The following UNC5C variants were observed in gnomAD, a reference collection of about 807,000 sequenced individuals.
UNC5C encodes netrin receptor UNC5C.
Under a neutral mutation model 99.8 loss-of-function variants are expected in UNC5C, and 47 were observed. The ratio of observed to expected loss-of-function variants is 0.47; its 90% CI spans 0.37 to 0.60. The LOEUF is 0.60. Among genes scored for constraint, UNC5C ranks in the 20% least tolerant of loss-of-function variants. UNC5C has a pLI of 0.00. For synonymous variants in UNC5C, 487 were observed against 452.2 expected (o/e 1.08, Z -0.98); for missense variants, 1,062 against 1,165.9 (o/e 0.91, Z 1.30).
Position 95,163,703 on chromosome 4 carries a change from A to G in UNC5C, c.*5531T>C, listed in dbSNP as rs1425728305. 6.6e-6 allele frequency: 1 copy of G among 152,224 alleles called. No homozygotes were observed. The highest frequency in any genetic ancestry group is 1.5e-5 in the Non-Finnish European group (1 of 68,042). The allele number at this position is 152,224 out of a possible 1,614,324, so 9.4% of individuals were successfully genotyped here. ...TTAAAAGGCTGGCATTCAGTAGCAA[A>G]TACTATGGCAGGTGGGCAGCTGACT... On this transcript the variant is annotated 3_prime_UTR_variant, in exon 16 of 16. Coordinates refer to ENST00000453304, the MANE Select transcript of UNC5C (RefSeq NM_003728.4).
Position 95,268,891 on chromosome 4 carries a change from T to G in UNC5C, c.594+9368A>C, listed in dbSNP as rs1410768411. 2.0e-5 allele frequency among the ~76,000 whole-genome samples: 3 copies of G among 152,178 alleles called. No individual in the cohort carries two copies. The East Asian group carries it at 5.8e-4, about 29-fold the overall frequency. ...GTGTGCACACCTAAAAGAATGGAGA[T>G]TTAGCCTAGAATCCTTGTCTATAGG... is the stretch of plus-strand genomic sequence containing the variant. On this transcript the variant is annotated intron_variant, in intron 4 of 15. Transcript: ENST00000453304.
In UNC5C at chr4:95,182,984, C is replaced by T. The variant is rs750656451; in HGVS notation, c.2364G>A (p.Leu788=). Residue 788 remains leucine, a synonymous_variant, in exon 14 of 16, where the codon CTG becomes CTA. Coordinates refer to ENST00000453304, the MANE Select transcript of UNC5C (RefSeq NM_003728.4). ...HCTFTLERFS[L]NTVELVCKLC... is the part of the protein sequence containing the mutation. ...GTTTGCAAACCAGCTCCACTGTGTT[C>T]AGGCTAAATCTTTCCAGAGTGAAGG... 1.2e-6 allele frequency: 2 copies of T among 1,613,758 alleles called. No homozygotes were observed. The highest frequency in any genetic ancestry group is 8.5e-7 in the Non-Finnish European group (1 of 1,179,714).
At chr4:95,237,987 A>G (rs1739184591) in intron 7 of UNC5C, among the ~76,000 whole-genome samples, 1 of 152,168 alleles carries the variant, frequency 6.6e-6, no homozygotes. Context: ...GGTTGCAGTG[A>G]GCCGAGTGCA....
intron 1 of UNC5C, among the ~76,000 whole-genome samples, chr4:95,472,792 C>G (rs1348845523): frequency 6.6e-6 from 1 of 151,990 alleles, no homozygotes; most frequent in Non-Finnish European, 1.5e-5. Context: ...GGCTTATTAA[C>G]TGGCAAATTT....
At chr4:95,522,420 G>C (rs1253108956) in intron 1 of UNC5C, among the ~76,000 whole-genome samples, 1 of 152,130 alleles carries the variant, frequency 6.6e-6, no homozygotes, top group Non-Finnish European at 1.5e-5. Context: ...ATACACAGGT[G>C]TGCATGAGAG....
intron 1 of UNC5C, among the ~76,000 whole-genome samples, chr4:95,399,155 GT>G (rs1745609764): frequency 6.6e-6 from 1 of 152,054 alleles, no homozygotes; most frequent in Non-Finnish European, 1.5e-5. Flanking sequence ...ATGTTTTTAA[GT>G]CCCTAAAATA....
At chr4:95,441,789 C>T (rs563029098) in intron 1 of UNC5C, among the ~76,000 whole-genome samples, 1 of 152,270 alleles carries the variant, frequency 6.6e-6, no homozygotes, top group South Asian at 2.1e-4. Flanking sequence ...ACTTACCTAA[C>T]TAAGGCAATA....
intron 2 of UNC5C, among the ~76,000 whole-genome samples, chr4:95,329,788 C>T (rs966604817): frequency 6.6e-6 from 1 of 152,046 alleles, no homozygotes; most frequent in African/African-American, 2.4e-5. Flanking sequence ...GGTTTTCTTG[C>T]TTTGGATATT....
intron 4 of UNC5C, among the ~76,000 whole-genome samples, chr4:95,277,175 A>T (rs1740892376): frequency 6.6e-6 from 1 of 152,198 alleles, no homozygotes; most frequent in Non-Finnish European, 1.5e-5. Context: ...TCCGTTTCAG[A>T]GATAGGCACA....
intron 1 of UNC5C, among the ~76,000 whole-genome samples, chr4:95,503,836 A>T (rs13131339): frequency 0.022 from 3,423 of 152,186 alleles, 61 homozygotes; most frequent in Non-Finnish European, 0.037. Flanking sequence ...GACCGCTTCC[A>T]TCTGCTCCCC....
chr4:95,485,799 A>T (rs4505826), intron 1 of UNC5C, among the ~76,000 whole-genome samples: 7 of 151,364 alleles, frequency 4.6e-5, no homozygotes, highest in African/African-American at 1.2e-4. Flanking sequence ...CAAGCCTATC[A>T]GGTAGGGTTC....
chr4:95,363,098 C>A (rs1744446442), intron 1 of UNC5C, among the ~76,000 whole-genome samples: 1 of 152,046 alleles, frequency 6.6e-6, no homozygotes, highest in Non-Finnish European at 1.5e-5. Context: ...CACACTTGCA[C>A]CAGCAAGTGT....
At chr4:95,442,833 CACAT>C (rs1241695165) in intron 1 of UNC5C, among the ~76,000 whole-genome samples, 1,677 of 152,048 alleles carry the variant, frequency 0.011, 28 homozygotes, top group African/African-American at 0.038. Flanking sequence ...CACACACACA[CACAT>C]ACACACACAA....
At chr4:95,377,181 A>G (rs952843972) in intron 1 of UNC5C, among the ~76,000 whole-genome samples, 3 of 152,190 alleles carry the variant, frequency 2.0e-5, no homozygotes, top group Non-Finnish European at 4.4e-5. Flanking sequence ...TGGGGGTTGT[A>G]TTTAATATTA....
intron 1 of UNC5C, among the ~76,000 whole-genome samples, chr4:95,442,721 G>GTAA (rs1746986197): frequency 6.6e-6 from 1 of 152,070 alleles, no homozygotes; most frequent in African/African-American, 2.4e-5. Flanking sequence ...AATCACAAAT[G>GTAA]TAGCCTAATA....
At chr4:95,440,953 C>T (rs547357284) in intron 1 of UNC5C, among the ~76,000 whole-genome samples, 22 of 152,186 alleles carry the variant, frequency 1.4e-4, no homozygotes, top group South Asian at 4.2e-4. Context: ...TATATAGAGT[C>T]GCTCATTTGA....
At chr4:95,297,235 T>C (rs1213404396) in intron 3 of UNC5C, among the ~76,000 whole-genome samples, 1 of 152,196 alleles carries the variant, frequency 6.6e-6, no homozygotes, top group African/African-American at 2.4e-5. Context: ...TTCCTCCACC[T>C]GATATCCTAG....
chr4:95,182,981 G>C lies in UNC5C; in HGVS notation c.2367C>G (p.Asn789Lys), dbSNP rs767692546. 6.2e-7 allele frequency: 1 copy of C among 1,613,828 alleles called. No individual in the cohort carries two copies. The highest frequency in any genetic ancestry group is 1.1e-5 in the South Asian group (1 of 91,058). Residue 789 changes from asparagine (N) to lysine (K), a missense_variant, in exon 14 of 16, where the codon AAC becomes AAG. This residue lies in a region of UNC5C where 810 missense variants were observed against 854.5 expected (regional missense o/e 0.95). Transcript: ENST00000453304. ...AGAGTTTGCAAACCAGCTCCACTGT[G>C]TTCAGGCTAAATCTTTCCAGAGTGA... ...CTFTLERFSL[N>K]TVELVCKLCV... is the part of the protein sequence containing the mutation.
At chr4:95,233,961 A>G (rs1739005302) in intron 7 of UNC5C, among the ~76,000 whole-genome samples, 2 of 152,134 alleles carry the variant, frequency 1.3e-5, no homozygotes, top group Admixed American at 1.3e-4. Context: ...GAAAGAAAAG[A>G]TTATAAAAGT....
Sources: gnomAD v4.1 joint callset for allele counts (sites outside exome capture counted in the v4.1 genomes callset) on GRCh38, gnomAD v4.1.1 for gene constraint, gnomAD v4.1.1 regional missense constraint, MANE v1.5 for transcripts, NCBI Gene and HGNC (gene_info 2026-07-23, HGNC 2026-07-21) for gene names.